The following CC2D2B variants were observed in gnomAD, a reference collection of about 807,000 sequenced individuals.
The protein encoded by CC2D2B is coiled-coil and C2 domain containing 2B, also known as protein CC2D2B.
Under a neutral mutation model 161.2 loss-of-function variants are expected in CC2D2B, and 128 were observed. That is an observed-to-expected ratio of 0.79 (90% CI 0.69 to 0.92). The LOEUF is 0.92. Among genes scored for constraint, CC2D2B ranks in the 40% least tolerant of loss-of-function variants. CC2D2B has a pLI of 0.00. For synonymous variants in CC2D2B, 391 were observed against 449.8 expected, an observed-to-expected ratio of 0.87 and a Z score of 1.65; for missense variants, 1,173 against 1,375.1, an observed-to-expected ratio of 0.85 and a Z score of 2.32.
intron 22 of CC2D2B, among the ~76,000 whole-genome samples, chr10:95,993,899 AATGTGTGTG>A (rs2078078500): frequency 9.0e-5 from 5 of 55,494 alleles, no homozygotes; most frequent in African/African-American, 3.2e-4. Context: ...AGAGAGAGAG[AATGTGTGTG>A]TGTGTGTGTG....
chr10:95,987,070 A>G (rs2077758316), intron 19 of CC2D2B, among the ~76,000 whole-genome samples: 1 of 152,110 alleles, frequency 6.6e-6, no homozygotes, highest in African/African-American at 2.4e-5. Context: ...CATGCCTGTA[A>G]TCCCAGCCCT....
intron 23 of CC2D2B, among the ~76,000 whole-genome samples, chr10:95,995,765 C>G (rs1407960131): frequency 6.6e-6 from 1 of 152,224 alleles, no homozygotes; most frequent in African/African-American, 2.4e-5. Context: ...AGCACACGCT[C>G]AAGCAATGTT....
At chr10:95,975,541 T>C (rs2077283736) in intron 17 of CC2D2B, among the ~76,000 whole-genome samples, 2 of 152,148 alleles carry the variant, frequency 1.3e-5, no homozygotes, top group South Asian at 4.1e-4. Context: ...AAGAAGTGAT[T>C]AAAAGTGATG....
chr10:95,928,667 C>T (rs1488258702), intron 6 of CC2D2B, among the ~76,000 whole-genome samples: 1 of 152,104 alleles, frequency 6.6e-6, no homozygotes, highest in Non-Finnish European at 1.5e-5. Flanking sequence ...GTTTGGTTTT[C>T]TGTTCCTGTG....
chr10:95,927,710 T>A (rs1033878955), intron 6 of CC2D2B, among the ~76,000 whole-genome samples: 2 of 151,692 alleles, frequency 1.3e-5, no homozygotes, highest in African/African-American at 4.8e-5. Flanking sequence ...TTCTTTCTTT[T>A]TTTTTTTTTG....
chr10:95,949,705 A>C (rs2076338773), intron 9 of CC2D2B, among the ~76,000 whole-genome samples, 191 bp from the exon 10 acceptor site: 1 of 152,204 alleles, frequency 6.6e-6, no homozygotes, highest in South Asian at 2.1e-4. Flanking sequence ...AAAATGCTGT[A>C]ATATAAATAT....
At chr10:95,977,519 T>C (rs2077363155) in intron 17 of CC2D2B, among the ~76,000 whole-genome samples, 1 of 152,288 alleles carries the variant, frequency 6.6e-6, no homozygotes, top group Admixed American at 6.5e-5. Flanking sequence ...ATTTTTAACA[T>C]AGTTCATTGA....
intron 17 of CC2D2B, among the ~76,000 whole-genome samples, chr10:95,979,285 A>G (rs1158367824): frequency 1.3e-5 from 2 of 150,836 alleles, no homozygotes; most frequent in Non-Finnish European, 2.9e-5. Context: ...AAGCCTACTT[A>G]CTGGATAGGT....
intron 24 of CC2D2B, among the ~76,000 whole-genome samples, chr10:95,999,025 G>A (rs1013539918): frequency 6.6e-6 from 1 of 152,118 alleles, no homozygotes; most frequent in African/African-American, 2.4e-5. Context: ...AGGTTGCAGT[G>A]AACAGAGATC....
chr10:95,969,845 C>T (rs1337689169), intron 15 of CC2D2B, among the ~76,000 whole-genome samples: 2 of 151,976 alleles, frequency 1.3e-5, no homozygotes, highest in Non-Finnish European at 2.9e-5. Flanking sequence ...TTAAAATCTG[C>T]CTCCCCAAAT....
At position 96,014,734 on chromosome 10, in the gene CC2D2B, C is replaced by G. The variant is rs1166454485; in HGVS notation, c.3516+857C>G. Among the ~76,000 whole-genome samples the G allele has an allele frequency of 2.0e-5, 3 of 152,120 alleles. No homozygotes were observed. The East Asian group carries it at 5.8e-4, about 29-fold the overall frequency. On this transcript the variant is annotated intron_variant, in intron 29 of 34. Coordinates refer to ENST00000646931, the MANE Select transcript of CC2D2B (RefSeq NM_001349008.3). ...ATCTGGACCTCAGGAAAACTTAGTTCCCTACTGTCATCCTCTCCCTACTCC... is the reference window on the plus strand; with the variant it reads ...ATCTGGACCTCAGGAAAACTTAGTTGCCTACTGTCATCCTCTCCCTACTCC...
chr10:96,014,163 A>G (rs898642334), intron 29 of CC2D2B, among the ~76,000 whole-genome samples: 10 of 152,148 alleles, frequency 6.6e-5, no homozygotes, highest in African/African-American at 1.9e-4. Flanking sequence ...ACTTGTCACT[A>G]TGGAGTTGGT....
chr10:95,937,575 ACT>A (rs929243623), intron 6 of CC2D2B, among the ~76,000 whole-genome samples: 10 of 150,238 alleles, frequency 6.7e-5, no homozygotes, highest in Non-Finnish European at 1.3e-4. Context: ...AAGCATGCCT[ACT>A]CTACAGCACT....
At position 96,004,135 on chromosome 10, in the gene CC2D2B, A is replaced by T. The variant is rs1477230614; in HGVS notation, c.2850-17A>T. 1 of 1,415,362 alleles carries T rather than the reference A, an allele frequency of 7.1e-7. No homozygotes were observed. The highest frequency in any genetic ancestry group is 1.5e-5 in the African/African-American group (1 of 67,310). 87.7% of individuals were successfully genotyped at this position (1,415,362 alleles called of 1,614,324 possible). A position where few individuals can be genotyped will look rare whatever the true frequency, so the allele number is the denominator to read the frequency against. Reference sequence around the variant, plus strand: ...TTGAGAAAATTAAGCATTTGAATATATTTTTCTTATTTGCAGCTCACCAGG... The same window carrying T: ...TTGAGAAAATTAAGCATTTGAATATTTTTTTCTTATTTGCAGCTCACCAGG... On this transcript the variant is annotated splice_polypyrimidine_tract_variant and intron_variant, in intron 24 of 34. Transcript: ENST00000646931.
intron 24 of CC2D2B, chr10:95,999,936 G>T: frequency 3.8e-6 from 2 of 530,430 alleles, no homozygotes; most frequent in South Asian, 1.8e-5. Context: ...CACGTGTTTC[G>T]GGAAGCTATC....
intron 19 of CC2D2B, among the ~76,000 whole-genome samples, chr10:95,987,829 G>A (rs79746241): frequency 0.037 from 5,670 of 152,176 alleles, 199 homozygotes; most frequent in African/African-American, 0.083. Context: ...TTTCCAAACT[G>A]CACAGTTAGT....
intron 24 of CC2D2B, 62 bp from the exon 25 acceptor site, chr10:96,004,090 T>A (rs2078644982): frequency 1.1e-6 from 1 of 930,568 alleles, no homozygotes; most frequent in African/African-American, 1.8e-5. Flanking sequence ...TGAATAGTGC[T>A]CTTAGGAAAT....
chr10:95,924,437 A>T, intron 4 of CC2D2B, 47 bp downstream of exon 4: 3 of 1,047,922 alleles, frequency 2.9e-6, no homozygotes, highest in Non-Finnish European at 2.8e-6. Context: ...TATTTAAATG[A>T]GACATTTAAC....
In CC2D2B at chr10:95,966,848, A is replaced by T. The variant is rs145723445; in HGVS notation, c.1466+546A>T. Among the ~76,000 whole-genome samples, 1,255 of 152,158 alleles carry T rather than the reference A, an allele frequency of 8.2e-3. 6 individuals carry two copies. The highest frequency in any genetic ancestry group is 0.015 in the Non-Finnish European group (986 of 67,948). On this transcript the variant is annotated intron_variant, in intron 14 of 34. Coordinates refer to ENST00000646931, the MANE Select transcript of CC2D2B (RefSeq NM_001349008.3). The stretch of plus-strand genomic sequence containing the variant: ...AGTTGTGATTTCTTCCTTGAGCTGT[A>T]ATGTTTTCTCTCTATGCCTAGAACA...
Sources: gnomAD v4.1 joint callset for allele counts (sites outside exome capture counted in the v4.1 genomes callset) on GRCh38, gnomAD v4.1.1 for gene constraint, MANE v1.5 for transcripts, NCBI Gene and HGNC (gene_info 2026-07-23, HGNC 2026-07-21) for gene names.